TSHR: variants seen among roughly 807,000 people sequenced by gnomAD.
TSHR encodes thyrotropin receptor.
A neutral mutation model predicts 64.1 loss-of-function variants in TSHR; 51 were observed. That is an observed-to-expected ratio of 0.80 (90% CI 0.64 to 1.01). The LOEUF is 1.01. TSHR is among the 50% of genes least tolerant of loss of function. TSHR has a pLI of 0.00. For synonymous variants in TSHR, 361 were observed against 361.9 expected, an observed-to-expected ratio of 1.00 and a Z score of 0.03; for missense variants, 877 against 942.8, an observed-to-expected ratio of 0.93 and a Z score of 0.91.
Position 81,143,006 on chromosome 14 carries a change from T to C in TSHR, c.948T>C (p.Asn316=), listed in dbSNP as rs748178798. ...MQSLRQRKSV[N]ALNSPLHQEY... ...GCTTGCGCCAGAGAAAATCTGTGAA[T>C]GCCTTGAATAGCCCCCTCCACCAGG... is the stretch of plus-strand genomic sequence containing the variant. Residue 316 remains asparagine (N), a synonymous_variant, in exon 10 of 10, where the codon AAT becomes AAC. Transcript: ENST00000298171. The C allele has an allele frequency of 1.8e-5, 29 of 1,614,062 alleles. No homozygotes were observed. The highest frequency in any genetic ancestry group is 2.2e-5 in the East Asian group (1 of 44,886).
At chr14:80,983,934 C>T (rs1225602709) in intron 1 of TSHR, among the ~76,000 whole-genome samples, 1 of 152,092 alleles carries the variant, frequency 6.6e-6, no homozygotes, top group African/African-American at 2.4e-5. Context: ...CTAACTTGTT[C>T]ATTAGTATCT....
At chr14:81,024,438 A>G (rs549656185) in intron 1 of TSHR, among the ~76,000 whole-genome samples, 1 of 151,960 alleles carries the variant, frequency 6.6e-6, no homozygotes, top group Non-Finnish European at 1.5e-5. Flanking sequence ...TAGTAGAGAC[A>G]GGGTTTCACC....
intron 9 of TSHR, among the ~76,000 whole-genome samples, chr14:81,140,587 T>C (rs1452634584): frequency 6.6e-6 from 1 of 152,206 alleles, no homozygotes; most frequent in Non-Finnish European, 1.5e-5. Context: ...GAAGGAGGAA[T>C]TGCCTTCATT....
chr14:81,043,340 G>C (rs1486835856), intron 1 of TSHR, among the ~76,000 whole-genome samples: 1 of 152,062 alleles, frequency 6.6e-6, no homozygotes, highest in Non-Finnish European at 1.5e-5. Context: ...ATTCACAACT[G>C]CTACAAAAAG....
At chr14:81,078,950 A>T (rs1239787324) in intron 3 of TSHR, 1 of 152,192 alleles carries the variant, frequency 6.6e-6, no homozygotes, top group African/African-American at 2.4e-5. Context: ...AGCTATAATA[A>T]AATGTTATTT....
rs1349456630 is a variant in TSHR, at chr14:81,144,913, C to T, written c.*560C>T. The stretch of plus-strand genomic sequence containing the variant: ...AGACATGAAGGAGGGTAAGAATTAG[C>T]TTTAAGTTTTGTTTTGCTTTGTTTT... On this transcript the variant is annotated 3_prime_UTR_variant, in exon 10 of 10. Coordinates refer to ENST00000298171, the MANE Select transcript of TSHR (RefSeq NM_000369.5). The T allele has an allele frequency of 4.3e-6, 1 of 234,610 alleles. No individual in the cohort carries two copies. Among genetic ancestry groups the T allele is most frequent in the African/African-American group, 2.2e-5 (1 of 45,342 alleles). 14.5% of individuals were successfully genotyped at this position (234,610 alleles called of 1,614,324 possible).
At chr14:81,108,819 C>T in intron 8 of TSHR, 1 of 1,538,450 alleles carries the variant, frequency 6.5e-7, no homozygotes, top group South Asian at 1.2e-5. Flanking sequence ...AAAAATGTAC[C>T]TGAATGTACA....
intron 1 of TSHR, among the ~76,000 whole-genome samples, chr14:80,995,930 CA>C (rs1253537899): frequency 7.9e-5 from 12 of 151,718 alleles, no homozygotes; most frequent in African/African-American, 2.7e-4. Context: ...TTGGGGTAGT[CA>C]AAAGTTATGT....
At chr14:81,059,060 A>G (rs1022275496) in intron 1 of TSHR, among the ~76,000 whole-genome samples, 4 of 152,190 alleles carry the variant, frequency 2.6e-5, no homozygotes, top group Non-Finnish European at 5.9e-5. Context: ...ATGCCGGAGC[A>G]CATGTGTCTG....
chr14:81,138,424 C>T (rs1253538180), intron 8 of TSHR, among the ~76,000 whole-genome samples: 2 of 151,834 alleles, frequency 1.3e-5, no homozygotes, highest in Non-Finnish European at 2.9e-5. Flanking sequence ...CTCCTGACCT[C>T]GTGATCCGCC....
intron 1 of TSHR, among the ~76,000 whole-genome samples, chr14:81,005,261 C>G (rs974835137): frequency 2.7e-5 from 4 of 147,334 alleles, no homozygotes; most frequent in African/African-American, 7.6e-5. Flanking sequence ...ACGTGTATCT[C>G]TGTGTGTGTA....
chr14:81,000,448 G>A (rs1044944173), intron 1 of TSHR, among the ~76,000 whole-genome samples: 5 of 152,054 alleles, frequency 3.3e-5, no homozygotes, highest in Non-Finnish European at 5.9e-5. Context: ...AAGGATCCCC[G>A]GCCCCACATC....
intron 1 of TSHR, among the ~76,000 whole-genome samples, chr14:80,969,254 G>C (rs2284719): frequency 1.3e-5 from 2 of 152,098 alleles, no homozygotes; most frequent in African/African-American, 4.8e-5. Flanking sequence ...CACATAGTGA[G>C]ACTAGTGGAT....
intron 1 of TSHR, among the ~76,000 whole-genome samples, chr14:81,058,083 A>G (rs575798626): frequency 5.9e-5 from 9 of 152,332 alleles, no homozygotes; most frequent in Admixed American, 1.3e-4. Flanking sequence ...TCTTGTTTGG[A>G]ACAAAGAACT....
At chr14:81,011,043 AG>A (rs1208150177) in intron 1 of TSHR, among the ~76,000 whole-genome samples, 4 of 152,186 alleles carry the variant, frequency 2.6e-5, no homozygotes, top group Non-Finnish European at 4.4e-5. Flanking sequence ...CTCTCTTGAG[AG>A]TCAAAGGCCT....
At chr14:81,029,345 T>G (rs2139817825) in intron 1 of TSHR, among the ~76,000 whole-genome samples, 1 of 152,220 alleles carries the variant, frequency 6.6e-6, no homozygotes, top group African/African-American at 2.4e-5. Flanking sequence ...TTTTGAGGAT[T>G]ATATATATTA....
rs925961475 is a variant in TSHR at position 81,143,469 on chromosome 14, G to A, written c.1411G>A (p.Ala471Thr). 23 of 1,613,948 alleles carry A rather than the reference G, an allele frequency of 1.4e-5. No homozygotes were observed. The highest frequency in any genetic ancestry group is 6.7e-5 in the East Asian group (3 of 44,890). Residue 471 changes from alanine (A) to threonine (T), a missense_variant, in exon 10 of 10, where the codon GCC becomes ACC. By Grantham distance (58) the Ala-to-Thr change is moderately conservative (BLOSUM62 0). Transcript: ENST00000298171. ...CATGGGGATGTACCTGCTCCTCATC[G>A]CCTCTGTAGACCTCTACACTCACTC... ...FCMGMYLLLIASVDLYTHSEY... is the reference protein window; with the variant it reads ...FCMGMYLLLITSVDLYTHSEY...
intron 2 of TSHR, among the ~76,000 whole-genome samples, chr14:81,062,707 A>G (rs1886329523): frequency 6.6e-6 from 1 of 152,208 alleles, no homozygotes; most frequent in South Asian, 2.1e-4. Context: ...TCTAAACCTT[A>G]AAAATTGAAT....
At chr14:81,000,227 C>T (rs1404837793) in intron 1 of TSHR, among the ~76,000 whole-genome samples, 6 of 121,148 alleles carry the variant, frequency 5.0e-5, no homozygotes, top group Non-Finnish European at 8.8e-5. Flanking sequence ...CCACCGCACC[C>T]GGCCAAAATT....
Sources: gnomAD v4.1 joint callset for allele counts (sites outside exome capture counted in the v4.1 genomes callset) on GRCh38, gnomAD v4.1.1 for gene constraint, MANE v1.5 for transcripts, NCBI Gene and HGNC (gene_info 2026-07-23, HGNC 2026-07-21) for gene names.